KCND3: variants seen among roughly 807,000 people sequenced by gnomAD.
The protein encoded by KCND3 is potassium voltage-gated channel subfamily D member 3, also known as A-type voltage-gated potassium channel KCND3.
A neutral mutation model predicts 51.1 loss-of-function variants in KCND3; 9 were observed. That is an observed-to-expected ratio of 0.18 (90% CI 0.11 to 0.31). The LOEUF (loss-of-function observed/expected upper bound fraction) is 0.31. KCND3 is among the 10% of genes least tolerant of loss of function. The probability of loss-of-function intolerance (pLI) is 1.00; values close to 1 mark genes in which losing one functional copy is unlikely to be tolerated. For synonymous variants in KCND3, 349 were observed against 368.0 expected, an observed-to-expected ratio of 0.95 and a Z score of 0.59; for missense variants, 526 against 903.8, an observed-to-expected ratio of 0.58 and a Z score of 5.36.
rs183907778 is a variant in KCND3 at position 111,811,865 on chromosome 1, G to C, written c.1107-24759C>G. On this transcript the variant is annotated intron_variant, in intron 2 of 7. Coordinates refer to ENST00000302127, the MANE Select transcript of KCND3 (RefSeq NM_001378969.1). ...AGAGTTTGGGGCCTGGAGAATTTAG[G>C]CTCAGACATTTCTATTTCTTTTTCC... is the stretch of plus-strand genomic sequence containing the variant. 2.0e-3 allele frequency among the ~76,000 whole-genome samples: 306 copies of C among 152,268 alleles called. 4 individuals carry two copies. The highest frequency in any genetic ancestry group is 7.8e-3 in the Admixed American group (119 of 15,302).
chr1:111,844,720 T>C (rs548034101), intron 2 of KCND3, among the ~76,000 whole-genome samples: 1 of 152,316 alleles, frequency 6.6e-6, no homozygotes, highest in South Asian at 2.1e-4. Context: ...ATGTTTGGCA[T>C]ACACACAGCA....
At chr1:111,819,914 G>T (rs988565853) in intron 2 of KCND3, among the ~76,000 whole-genome samples, 1 of 152,176 alleles carries the variant, frequency 6.6e-6, no homozygotes, top group South Asian at 2.1e-4. Context: ...GACCAGGAAA[G>T]CTTTCCTTGG....
In KCND3 at chr1:111,961,928, T is replaced by C. The variant is rs112678263; in HGVS notation, c.1106+19693A>G. Among the ~76,000 whole-genome samples the C allele has an allele frequency of 9.8e-3, 1,488 of 152,282 alleles. 10 individuals carry two copies. Among genetic ancestry groups the C allele is most frequent in the South Asian group, 0.021 (103 of 4,820 alleles). On this transcript the variant is annotated intron_variant, in intron 2 of 7. Transcript: ENST00000302127. ...GGCGGCTACAGTCCCACTTCTGTTC[T>C]CCCTGCAGCTTCTGCCCTGAGTTTC...
chr1:111,832,693 C>T (rs562600293), intron 2 of KCND3, among the ~76,000 whole-genome samples: 1 of 152,302 alleles, frequency 6.6e-6, no homozygotes, highest in African/African-American at 2.4e-5. Flanking sequence ...GCTCCCCACC[C>T]CGCCCAGAAT....
chr1:111,880,629 T>C (rs1669256563), intron 2 of KCND3, among the ~76,000 whole-genome samples: 2 of 152,094 alleles, frequency 1.3e-5, no homozygotes. Context: ...ATGTCTTAAG[T>C]AATAAAGGAG....
intron 2 of KCND3, among the ~76,000 whole-genome samples, chr1:111,800,009 C>T (rs1310143644): frequency 6.6e-6 from 1 of 151,822 alleles, no homozygotes; most frequent in East Asian, 1.9e-4. Flanking sequence ...TGAGGAGCCC[C>T]TCTGCCCGGC....
rs112319488 is a variant in KCND3 at position 111,987,485 on chromosome 1, C to T, written c.-73+2020G>A. ...CATACCAAAAAAGGAGCAATTACCC[C>T]ATTGTTACTTTCTCTGTGTGTGGGG... On this transcript the variant is annotated intron_variant, in intron 1 of 7. Transcript: ENST00000302127. Among the ~76,000 whole-genome samples the T allele has an allele frequency of 1.1e-3, 162 of 152,314 alleles. 1 individual carries two copies. The highest frequency in any genetic ancestry group is 3.4e-3 in the Middle Eastern group (1 of 294).
At chr1:111,958,882 G>A (rs566605145) in intron 2 of KCND3, among the ~76,000 whole-genome samples, 5 of 152,144 alleles carry the variant, frequency 3.3e-5, no homozygotes, top group African/African-American at 9.7e-5. Flanking sequence ...AAAATCTCTC[G>A]ATTAGTTTTT....
intron 2 of KCND3, among the ~76,000 whole-genome samples, chr1:111,971,784 A>G (rs1674342218): frequency 6.6e-6 from 1 of 152,110 alleles, no homozygotes; most frequent in Non-Finnish European, 1.5e-5. Flanking sequence ...AAGGAACTCC[A>G]ACCTCCATAC....
intron 2 of KCND3, among the ~76,000 whole-genome samples, chr1:111,832,984 C>T (rs1355930597): frequency 6.6e-6 from 1 of 152,176 alleles, no homozygotes; most frequent in African/African-American, 2.4e-5. Context: ...GCAAGAGGGG[C>T]GAGAGCCAAG....
At chr1:111,776,349 C>T in intron 7 of KCND3, 71 bp from the exon 8 acceptor site, 4 of 1,430,880 alleles carry the variant, frequency 2.8e-6, no homozygotes, top group South Asian at 2.4e-5. Flanking sequence ...TGACCCCCTA[C>T]ATTTCTTGCT....
chr1:111,964,154 A>T (rs1673832046), intron 2 of KCND3, among the ~76,000 whole-genome samples: 1 of 152,060 alleles, frequency 6.6e-6, no homozygotes, highest in Non-Finnish European at 1.5e-5. Context: ...CCAGGCAGGG[A>T]GGGGAAAGGG....
At chr1:111,816,055 T>G (rs1666076095) in intron 2 of KCND3, among the ~76,000 whole-genome samples, 1 of 152,216 alleles carries the variant, frequency 6.6e-6, no homozygotes, top group African/African-American at 2.4e-5. Flanking sequence ...AATCATCTCG[T>G]TTAATCCTTG....
chr1:111,786,095 C>T lies in KCND3; in HGVS notation c.1269+849G>A, dbSNP rs75776062. Among the ~76,000 whole-genome samples, 34 of 152,284 alleles carry T rather than the reference C, an allele frequency of 2.2e-4. No individual in the cohort carries two copies. In the East Asian group the frequency reaches 5.0e-3, roughly 22 times the overall value. Reference sequence around the variant, plus strand: ...CAGATCTGAAGACAATGAAAAACACCGCTTTCCCACTTCCCCAACACAGAT... The same window carrying T: ...CAGATCTGAAGACAATGAAAAACACTGCTTTCCCACTTCCCCAACACAGAT... On this transcript the variant is annotated intron_variant, in intron 3 of 7. Coordinates refer to ENST00000302127, the MANE Select transcript of KCND3 (RefSeq NM_001378969.1).
At chr1:111,776,299 T>G in intron 7 of KCND3, 21 bp from the exon 8 acceptor site, 1 of 1,609,476 alleles carries the variant, frequency 6.2e-7, no homozygotes, top group Non-Finnish European at 8.5e-7. Context: ...AAAGAGTGAG[T>G]TGATGATGGT....
chr1:111,843,177 A>T (rs1667403495), intron 2 of KCND3, among the ~76,000 whole-genome samples: 1 of 152,128 alleles, frequency 6.6e-6, no homozygotes, highest in Non-Finnish European at 1.5e-5. Flanking sequence ...TGGATGAGAG[A>T]ATCAGAACAG....
intron 1 of KCND3, among the ~76,000 whole-genome samples, chr1:111,984,910 T>C (rs1408984060): frequency 1.3e-5 from 2 of 152,176 alleles, no homozygotes; most frequent in African/African-American, 2.4e-5. Context: ...TCCTTTGGGC[T>C]CTTGACTCGT....
At chr1:111,977,194 C>T (rs1352332258) in intron 2 of KCND3, among the ~76,000 whole-genome samples, 2 of 152,114 alleles carry the variant, frequency 1.3e-5, no homozygotes, top group Non-Finnish European at 2.9e-5. Flanking sequence ...TGATGGGCTC[C>T]GGAGGCAGTA....
intron 2 of KCND3, among the ~76,000 whole-genome samples, chr1:111,907,298 C>A (rs1557711258): frequency 1.3e-5 from 2 of 152,342 alleles, no homozygotes; most frequent in East Asian, 3.9e-4. Context: ...GACTCTCAGA[C>A]CATATCCTAT....
Sources: allele counts gnomAD v4.1 joint callset (sites outside exome capture counted in the v4.1 genomes callset), GRCh38; gene constraint gnomAD v4.1.1; transcripts MANE v1.5; gene names NCBI Gene and HGNC (gene_info 2026-07-23, HGNC 2026-07-21).